ZSCAN30: variants seen among roughly 807,000 people sequenced by gnomAD.
The protein encoded by ZSCAN30 is zinc finger and SCAN domain containing 30.
A neutral mutation model predicts 44.3 loss-of-function variants in ZSCAN30; 37 were observed. The observed-to-expected ratio is 0.84, with a 90% CI of 0.64 to 1.10. ZSCAN30 has a LOEUF of 1.10. Among genes scored for constraint, ZSCAN30 ranks in the 50% least tolerant of loss-of-function variants. The pLI is 0.00. For synonymous variants in ZSCAN30, 181 were observed against 204.6 expected, an observed-to-expected ratio of 0.88 and a Z score of 0.98; for missense variants, 549 against 582.6, an observed-to-expected ratio of 0.94 and a Z score of 0.59.
In ZSCAN30 at chr18:35,263,501, G is replaced by T. The variant is rs767871311; in HGVS notation, c.553+12C>A. On this transcript the variant is annotated intron_variant, in intron 3 of 3. Transcript: ENST00000333206. ...CTCCATCCTCAACCCCACATGGACT[G>T]GGGCTTCTCACCTCTCTCCTGGAAA... The T allele has an allele frequency of 5.5e-5, 88 of 1,613,942 alleles. No individual in the cohort carries two copies. The highest frequency in any genetic ancestry group is 7.3e-5 in the Non-Finnish European group (86 of 1,179,984).
chr18:35,254,613 A>G lies in ZSCAN30; in HGVS notation c.554-232T>C, dbSNP rs1203562704. ...TTAGTATTGGAGAAGAGGGATGGTG[A>G]ACAAGGAAAGACATTAGTTAGAGGG... On this transcript the variant is annotated intron_variant, in intron 3 of 3. Transcript: ENST00000333206. The G allele has an allele frequency of 5.9e-6, 4 of 678,578 alleles. No individual in the cohort carries two copies. In the African/African-American group the frequency reaches 7.3e-5, roughly 12 times the overall value. 42.0% of individuals were successfully genotyped at this position (678,578 alleles called of 1,614,324 possible). A position where few individuals can be genotyped will look rare whatever the true frequency, so the allele number is the denominator to read the frequency against.
At chr18:35,266,759 C>G (rs1392858772) in intron 1 of ZSCAN30, 1 of 149,116 alleles carries the variant, frequency 6.7e-6, no homozygotes, top group East Asian at 2.0e-4. Context: ...CTCCGCCTCC[C>G]GGGTTCACGC....
chr18:35,287,084 G>A (rs762633603), intron 1 of ZSCAN30, among the ~76,000 whole-genome samples: 1 of 152,184 alleles, frequency 6.6e-6, no homozygotes, highest in Non-Finnish European at 1.5e-5. Context: ...TAAATACTTA[G>A]GAATAGATCT....
intron 1 of ZSCAN30, among the ~76,000 whole-genome samples, chr18:35,265,644 T>G (rs1647406394): frequency 6.6e-6 from 1 of 152,226 alleles, no homozygotes; most frequent in Non-Finnish European, 1.5e-5. Flanking sequence ...AAAATTATTC[T>G]TGACTTTTAA....
intron 3 of ZSCAN30, chr18:35,261,651 T>G (rs547809863): frequency 4.1e-4 from 1 of 2,414 alleles, no homozygotes; most frequent in African/African-American, 4.5e-4. Context: ...GGCTCTCTGG[T>G]TGTCTTATTG....
chr18:35,264,947 C>T (rs966260913), intron 1 of ZSCAN30, among the ~76,000 whole-genome samples: 4 of 152,038 alleles, frequency 2.6e-5, no homozygotes, highest in African/African-American at 9.7e-5. Context: ...AAGATCGAGA[C>T]CATCCTGGCT....
At position 35,254,360 on chromosome 18, in the gene ZSCAN30, T is replaced by C. The variant is rs747107824; in HGVS notation, c.575A>G (p.Lys192Arg). The C allele has an allele frequency of 1.7e-5, 27 of 1,613,812 alleles. No individual in the cohort carries two copies. Among genetic ancestry groups the C allele is most frequent in the Middle Eastern group, 1.6e-4 (1 of 6,084 alleles). Residue 192 changes from lysine (K) to arginine (R), a missense_variant, in exon 4 of 4, where the codon AAA becomes AGA. Coordinates refer to ENST00000333206, the MANE Select transcript of ZSCAN30 (RefSeq NM_001112734.4). ...QERDGRMVAG[K>R]VLMAKQEIVE... ...AATTTCTTGCTTTGCCATCAACACT[T>C]TGCCAGCCACCATCCTGCCATCTAA...
At position 35,251,578 on chromosome 18, in the gene ZSCAN30, C is replaced by G. The variant is rs867523669; in HGVS notation, c.*1872G>C. On this transcript the variant is annotated 3_prime_UTR_variant, in exon 4 of 4. Transcript: ENST00000333206. ...TAATCCCCAGGTGTTGAGGGAGGGT[C>G]GTGGTGGGAGGTGATTAGATCATGG... 4 of 152,088 alleles carry G rather than the reference C, an allele frequency of 2.6e-5. No homozygotes were observed. Among genetic ancestry groups the G allele is most frequent in the African/African-American group, 9.7e-5 (4 of 41,390 alleles). The allele number at this position is 152,088 out of a possible 1,614,324, so 9.4% of individuals were successfully genotyped here.
At chr18:35,263,324 C>T in intron 3 of ZSCAN30, 189 bp downstream of exon 3, 1 of 620,858 alleles carries the variant, frequency 1.6e-6, no homozygotes, top group Non-Finnish European at 2.6e-6. Flanking sequence ...TAATTCTTAA[C>T]CCAAAGTTAC....
chr18:35,278,980 G>C (rs1293250733), intron 1 of ZSCAN30, among the ~76,000 whole-genome samples: 1 of 152,162 alleles, frequency 6.6e-6, no homozygotes, highest in Non-Finnish European at 1.5e-5. Context: ...TCCCTAAAAT[G>C]TAACTTTCTC....
intron 3 of ZSCAN30, chr18:35,257,909 T>C (rs746040269): frequency 1.3e-6 from 1 of 781,080 alleles, no homozygotes; most frequent in Admixed American, 1.7e-5. Flanking sequence ...CTAATCCTGC[T>C]TCTCTCTCTC....
At chr18:35,266,656 A>ATTT (rs1569073940) in intron 1 of ZSCAN30, 2 of 114,280 alleles carry the variant, frequency 1.8e-5, no homozygotes, top group African/African-American at 3.8e-5. Flanking sequence ...TATTTCTCCT[A>ATTT]ATTTTTTTTT....
chr18:35,270,309 G>A (rs890646861), intron 1 of ZSCAN30: 2 of 152,112 alleles, frequency 1.3e-5, no homozygotes, highest in Non-Finnish European at 2.9e-5. Flanking sequence ...ATAAAAAGAA[G>A]GCAGAAATAG....
intron 1 of ZSCAN30, among the ~76,000 whole-genome samples, chr18:35,267,318 TGGCGGGACTGACCGACGGAGAGGCG>T (rs1555946991): frequency 1.3e-5 from 2 of 152,030 alleles, no homozygotes; most frequent in Admixed American, 6.5e-5. Flanking sequence ...TGGAAATGGA[TGGCGGGACTGACCGACGGAGAGGCG>T]GGCGGGACCC....
chr18:35,267,533 C>A (rs1357939783), intron 1 of ZSCAN30: 2 of 152,102 alleles, frequency 1.3e-5, no homozygotes, highest in African/African-American at 4.8e-5. Flanking sequence ...CAATGCCCGG[C>A]CGCACGCGCG....
chr18:35,288,470 A>G (rs1317598827), intron 1 of ZSCAN30, among the ~76,000 whole-genome samples: 1 of 152,130 alleles, frequency 6.6e-6, no homozygotes, highest in Non-Finnish European at 1.5e-5. Flanking sequence ...AGAGAGGGGG[A>G]AAAAAGCATA....
In ZSCAN30 at chr18:35,264,006, C is replaced by T. The variant is rs1162311994; in HGVS notation, c.347G>A (p.Gly116Glu). The T allele has an allele frequency of 4.3e-6, 7 of 1,614,124 alleles. No homozygotes were observed. Among genetic ancestry groups the T allele is most frequent in the Non-Finnish European group, 5.9e-6 (7 of 1,180,050 alleles). Residue 116 changes from glycine (G) to glutamate (E), a missense_variant, in exon 2 of 4, where the codon GGA (glycine) becomes GAA (glutamate). Transcript: ENST00000333206. The stretch of plus-strand genomic sequence containing the variant: ...CTCCAGCATAGTCACAGCTTCCTCT[C>T]CATTCTCTGGCCGATGCTCTCGCAG... ...AWLREHRPEN[G>E]EEAVTMLEEL...
chr18:35,271,731 G>A (rs2143737587), intron 1 of ZSCAN30, among the ~76,000 whole-genome samples: 1 of 152,334 alleles, frequency 6.6e-6, no homozygotes, highest in South Asian at 2.1e-4. Context: ...GGCTCCAGCT[G>A]CGTGGGAGCC....
chr18:35,289,824 C>T (rs965062236), intron 1 of ZSCAN30: 3 of 152,178 alleles, frequency 2.0e-5, no homozygotes, highest in African/African-American at 7.2e-5. Context: ...TCAGGATCAC[C>T]TGAGAACCTG....
Sources: allele counts gnomAD v4.1 joint callset (sites outside exome capture counted in the v4.1 genomes callset), GRCh38; gene constraint gnomAD v4.1.1; transcripts MANE v1.5; gene names NCBI Gene and HGNC (gene_info 2026-07-23, HGNC 2026-07-21).